The following LRRC7 variants were observed in gnomAD, a reference collection of about 807,000 sequenced individuals.
The protein encoded by LRRC7 is leucine-rich repeat-containing protein 7.
In LRRC7, 23 loss-of-function variants were observed where a neutral mutation model predicts 175.7. The ratio of observed to expected loss-of-function variants is 0.13; its 90% CI spans 0.09 to 0.19. The LOEUF is 0.19. Among genes scored for constraint, LRRC7 ranks in the 10% least tolerant of loss-of-function variants. The pLI is 1.00. For missense variants in LRRC7, 1,354 were observed against 1,904.7 expected, an observed-to-expected ratio of 0.71 and a Z score of 5.38; for synonymous variants, 685 against 680.9, an observed-to-expected ratio of 1.01 and a Z score of -0.09.
At chr1:70,069,799 TTC>T (rs1394373905) in intron 23 of LRRC7, among the ~76,000 whole-genome samples, 1 of 152,186 alleles carries the variant, frequency 6.6e-6, no homozygotes, top group African/African-American at 2.4e-5. Context: ...TCAATGTGTT[TTC>T]TCTCTGTTAT....
At chr1:69,611,827 T>G (rs1648791059) in intron 1 of LRRC7, among the ~76,000 whole-genome samples, 1 of 152,206 alleles carries the variant, frequency 6.6e-6, no homozygotes, top group East Asian at 1.9e-4. Context: ...CATTTGTTTA[T>G]AACATGATGA....
chr1:69,868,244 T>C (rs1685145206), intron 7 of LRRC7, among the ~76,000 whole-genome samples: 1 of 152,162 alleles, frequency 6.6e-6, no homozygotes, highest in African/African-American at 2.4e-5. Flanking sequence ...ATTTCTATTA[T>C]TTAAATAAAA....
At chr1:69,672,869 T>A (rs1374444704) in intron 1 of LRRC7, among the ~76,000 whole-genome samples, 1 of 152,214 alleles carries the variant, frequency 6.6e-6, no homozygotes, top group Admixed American at 6.5e-5. Context: ...GAGTTGATAA[T>A]GTTAATGAGC....
rs145631718 is a variant in LRRC7 at position 70,002,079 on chromosome 1, A to G, written c.1004+7446A>G. Reference sequence around the variant, plus strand: ...CATATTTGGTCATTCAGTGGGTCCCATAAGTCTAGCTGCGAAGGAGATACC... The same window carrying G: ...CATATTTGGTCATTCAGTGGGTCCCGTAAGTCTAGCTGCGAAGGAGATACC... On this transcript the variant is annotated intron_variant, in intron 11 of 26. Transcript: ENST00000651989. Among the ~76,000 whole-genome samples the G allele has an allele frequency of 5.1e-4, 77 of 152,308 alleles. 1 individual carries two copies. The East Asian group carries it at 0.01, about 21-fold the overall frequency.
intron 1 of LRRC7, among the ~76,000 whole-genome samples, chr1:69,663,910 AC>A: frequency 6.7e-6 from 1 of 150,210 alleles, no homozygotes; most frequent in Non-Finnish European, 1.5e-5. Context: ...TTTAGTAGAG[AC>A]GGGGTTTCAC....
intron 26 of LRRC7, among the ~76,000 whole-genome samples, chr1:70,113,638 C>A (rs1373037766): frequency 6.6e-6 from 1 of 151,836 alleles, no homozygotes; most frequent in African/African-American, 2.4e-5. Flanking sequence ...GCAGATTGTA[C>A]TTCTAAAATC....
At chr1:69,964,359 T>G (rs1651447670) in intron 8 of LRRC7, among the ~76,000 whole-genome samples, 1 of 152,118 alleles carries the variant, frequency 6.6e-6, no homozygotes, top group African/African-American at 2.4e-5. Context: ...TGAGCCAAGA[T>G]AAGTCACACA....
rs182120939 is a variant in LRRC7 at position 70,132,803 on chromosome 1, A to T, written c.*10916A>T. Among the ~76,000 whole-genome samples, 21 of 152,192 alleles carry T rather than the reference A, an allele frequency of 1.4e-4. No individual in the cohort carries two copies. In the East Asian group the frequency reaches 3.9e-3, roughly 28 times the overall value. ...TCTTAAATAAAGACTAATGTCAGAC[A>T]GTGTGGCTACAGGTAAAAGCTCTGT... On this transcript the variant is annotated 3_prime_UTR_variant, in exon 27 of 27. Coordinates refer to ENST00000651989, the MANE Select transcript of LRRC7 (RefSeq NM_001370785.2).
intron 1 of LRRC7, among the ~76,000 whole-genome samples, chr1:69,604,333 AC>A (rs1647220004): frequency 6.6e-6 from 1 of 152,164 alleles, no homozygotes; most frequent in South Asian, 2.1e-4. Context: ...GGTCTTCAAA[AC>A]AAACTGACTC....
intron 8 of LRRC7, among the ~76,000 whole-genome samples, chr1:69,957,992 C>T: frequency 6.6e-6 from 1 of 151,846 alleles, no homozygotes; most frequent in East Asian, 1.9e-4. Context: ...GTATTTTCAA[C>T]ATTTCAAATA....
chr1:69,637,111 T>TC (rs1018893594), intron 1 of LRRC7, among the ~76,000 whole-genome samples: 3 of 143,444 alleles, frequency 2.1e-5, no homozygotes, highest in South Asian at 2.3e-4. Flanking sequence ...CCTCCCCCGC[T>TC]CCCCCGCACA....
chr1:70,065,743 T>A (rs1190700551), intron 23 of LRRC7, among the ~76,000 whole-genome samples: 1 of 151,994 alleles, frequency 6.6e-6, no homozygotes, highest in East Asian at 1.9e-4. Context: ...GCAGAGTAAG[T>A]AGTATCATCT....
At chr1:70,043,844 C>G (rs1313072529) in intron 21 of LRRC7, 110 bp from the exon 22 acceptor site, 1 of 1,288,698 alleles carries the variant, frequency 7.8e-7, no homozygotes, top group African/African-American at 1.5e-5. Context: ...TAAAAAGTTA[C>G]TGTTTGCCTG....
intron 3 of LRRC7, among the ~76,000 whole-genome samples, chr1:69,778,396 C>A (rs919172123): frequency 2.6e-5 from 4 of 152,164 alleles, no homozygotes; most frequent in African/African-American, 7.2e-5. Context: ...TCCATGGGAA[C>A]TAGTGCAGTG....
At chr1:69,857,435 T>C (rs1275632401) in intron 7 of LRRC7, among the ~76,000 whole-genome samples, 2 of 152,136 alleles carry the variant, frequency 1.3e-5, no homozygotes, top group Non-Finnish European at 2.9e-5. Context: ...ACAAAATCAA[T>C]GTGCAAAAAT....
chr1:69,626,728 G>A lies in LRRC7; in HGVS notation c.3-51653G>A, dbSNP rs564790959. ...ATCCCTCCCCCCTCCCCTCTCCTCC[G>A]CCCCCCCATGACAGGCCCCGGTGTG... On this transcript the variant is annotated intron_variant, in intron 1 of 26. Coordinates refer to ENST00000651989, the MANE Select transcript of LRRC7 (RefSeq NM_001370785.2). Among the ~76,000 whole-genome samples, 22 of 99,962 alleles carry A rather than the reference G, an allele frequency of 2.2e-4. 1 individual carries two copies. The East Asian group carries it at 3.6e-3, about 16-fold the overall frequency. 65.6% of individuals were successfully genotyped at this position (99,962 alleles called of 152,430 possible).
chr1:70,089,703 C>G (rs534529598), intron 24 of LRRC7, 24 bp from the exon 25 acceptor site: 1 of 1,455,454 alleles, frequency 6.9e-7, no homozygotes, highest in East Asian at 2.3e-5. Flanking sequence ...TGTTTACTTA[C>G]CATTTTATAT....
chr1:69,644,358 G>A lies in LRRC7; in HGVS notation c.3-34023G>A, dbSNP rs114501087. Among the ~76,000 whole-genome samples the A allele has an allele frequency of 2.8e-3, 422 of 151,758 alleles. 3 individuals carry two copies. The highest frequency in any genetic ancestry group is 9.8e-3 in the African/African-American group (404 of 41,410). On this transcript the variant is annotated intron_variant, in intron 1 of 26. Transcript: ENST00000651989. The stretch of plus-strand genomic sequence containing the variant: ...TCTTACTTGGTGCAAACACATTTAC[G>A]GTTGCTACATCTTCCTGATGAATTA...
chr1:69,637,948 G>A (rs762320324), intron 1 of LRRC7, among the ~76,000 whole-genome samples: 33 of 151,734 alleles, frequency 2.2e-4, no homozygotes, highest in Non-Finnish European at 3.5e-4. Context: ...TAAGAGCCTC[G>A]CCTGAGATTT....
Sources: allele counts gnomAD v4.1 joint callset (sites outside exome capture counted in the v4.1 genomes callset), GRCh38; gene constraint gnomAD v4.1.1; transcripts MANE v1.5; gene names NCBI Gene and HGNC (gene_info 2026-07-23, HGNC 2026-07-21).